The following SV2C variants were observed in gnomAD, a reference collection of about 807,000 sequenced individuals.
SV2C encodes synaptic vesicle glycoprotein 2C, also known as solute carrier family 22 member B3.
Under a neutral mutation model 79.7 loss-of-function variants are expected in SV2C, and 49 were observed. The ratio of observed to expected loss-of-function variants is 0.61; its 90% CI spans 0.49 to 0.78. The LOEUF is 0.78. SV2C is among the 30% of genes least tolerant of loss of function. The pLI, the probability that SV2C is intolerant of heterozygous loss-of-function variation, is 0.00. For missense variants in SV2C, 833 were observed against 912.9 expected, an observed-to-expected ratio of 0.91 and a Z score of 1.13; for synonymous variants, 334 against 333.2, an observed-to-expected ratio of 1.00 and a Z score of -0.03.
chr5:75,941,257 C>T, the SV2C span, among the ~76,000 whole-genome samples: 14 of 152,122 alleles, frequency 9.2e-5, no homozygotes, highest in African/African-American at 1.4e-4. Context: ...AAATTGGTTG[C>T]GTCTTTAATA....
chr5:76,065,367 C>T, the SV2C span, among the ~76,000 whole-genome samples: 1 of 152,126 alleles, frequency 6.6e-6, no homozygotes, highest in African/African-American at 2.4e-5. Flanking sequence ...GTCTAAATAT[C>T]TGTCAGAAGG....
intron 1 of SV2C, among the ~76,000 whole-genome samples, chr5:76,101,170 G>A (rs1387951321): frequency 6.6e-6 from 1 of 152,060 alleles, no homozygotes. Context: ...CTTGGTCTGG[G>A]AGAGAGGACA....
Position 76,295,681 on chromosome 5 carries a change from C to G in SV2C, c.1338-97C>G, listed in dbSNP as rs183029548. 4.1e-6 allele frequency: 5 copies of G among 1,214,746 alleles called. No individual in the cohort carries two copies. In the East Asian group the frequency reaches 9.9e-5, roughly 24 times the overall value. The allele number at this position is 1,214,746 out of a possible 1,614,324, so 75.2% of individuals were successfully genotyped here. On this transcript the variant is annotated intron_variant, in intron 8 of 12. Coordinates refer to ENST00000502798, the MANE Select transcript of SV2C (RefSeq NM_014979.4). Reference sequence around the variant, plus strand: ...ATAATGTTATAGGGAGCCAGCCATTCTCCGGGAACTATTACCAGTCTGAAA... The same window carrying G: ...ATAATGTTATAGGGAGCCAGCCATTGTCCGGGAACTATTACCAGTCTGAAA...
At chr5:75,900,085 G>A in the SV2C span, among the ~76,000 whole-genome samples, 1 of 152,124 alleles carries the variant, frequency 6.6e-6, no homozygotes, top group Admixed American at 6.5e-5. Context: ...ATATTGTTAT[G>A]TGTGAATTTG....
chr5:75,995,648 C>T, the SV2C span, among the ~76,000 whole-genome samples: 1 of 152,066 alleles, frequency 6.6e-6, no homozygotes, highest in Non-Finnish European at 1.5e-5. Flanking sequence ...TTATTTTCAT[C>T]TCAGATGTAG....
chr5:76,113,280 TG>T (rs1748151905), intron 1 of SV2C, among the ~76,000 whole-genome samples: 1 of 152,208 alleles, frequency 6.6e-6, no homozygotes, highest in Non-Finnish European at 1.5e-5. Flanking sequence ...ATAATATAAT[TG>T]TCTGTTTGTC....
intron 1 of SV2C, among the ~76,000 whole-genome samples, chr5:76,124,265 C>A (rs1217231331): frequency 6.6e-6 from 1 of 152,144 alleles, no homozygotes; most frequent in Non-Finnish European, 1.5e-5. Flanking sequence ...GAAAACTCCC[C>A]ATTCCCCACT....
At chr5:75,896,656 A>G in the SV2C span, among the ~76,000 whole-genome samples, 6 of 151,806 alleles carry the variant, frequency 4.0e-5, no homozygotes, top group African/African-American at 1.5e-4. Context: ...GACTTCCACA[A>G]TGGTTGAACT....
At chr5:75,912,327 C>CA in the SV2C span, among the ~76,000 whole-genome samples, 37 of 151,466 alleles carry the variant, frequency 2.4e-4, no homozygotes, top group East Asian at 1.2e-3. Flanking sequence ...CTGATTCTGA[C>CA]AAAAAAAATA....
intron 4 of SV2C, among the ~76,000 whole-genome samples, chr5:76,259,235 T>C (rs1203012430): frequency 3.4e-4 from 52 of 152,152 alleles, no homozygotes; most frequent in Admixed American, 3.3e-3. Context: ...GTCATAGAGT[T>C]GATGTATGTT....
chr5:75,905,888 G>A, the SV2C span, among the ~76,000 whole-genome samples: 1 of 149,806 alleles, frequency 6.7e-6, no homozygotes, highest in East Asian at 1.9e-4. Context: ...GACCTTATTC[G>A]GAAATAGGGT....
intron 4 of SV2C, among the ~76,000 whole-genome samples, chr5:76,236,116 C>A (rs1374433699): frequency 6.6e-6 from 1 of 152,188 alleles, no homozygotes; most frequent in African/African-American, 2.4e-5. Context: ...ATGTCAGCAG[C>A]ATACCCAAAG....
At chr5:75,948,685 G>A in the SV2C span, among the ~76,000 whole-genome samples, 1 of 151,988 alleles carries the variant, frequency 6.6e-6, no homozygotes, top group Admixed American at 6.6e-5. Flanking sequence ...CAAATATCTG[G>A]AGAAGGGATG....
At chr5:76,131,607 T>G (rs1013711947) in intron 1 of SV2C, 43 bp from the exon 2 acceptor site, 9 of 519,492 alleles carry the variant, frequency 1.7e-5, no homozygotes, top group Non-Finnish European at 2.6e-5. Context: ...AATATATATA[T>G]AGAAAGGAAT....
rs201977937 is a variant in SV2C, at chr5:76,254,261, G to T, written c.914-30901G>T. Among the ~76,000 whole-genome samples the T allele has an allele frequency of 2.4e-3, 364 of 151,222 alleles. 2 individuals carry two copies. The highest frequency in any genetic ancestry group is 6.8e-3 in the African/African-American group (277 of 41,008). On this transcript the variant is annotated intron_variant, in intron 4 of 12. Transcript: ENST00000502798. Reference sequence around the variant, plus strand: ...GTGTGTATATATATATATATATAGAGAGAGAGAGAGAGATATTAAAAATTT... The same window carrying T: ...GTGTGTATATATATATATATATAGATAGAGAGAGAGAGATATTAAAAATTT...
At chr5:76,230,939 T>A (rs1281879339) in intron 4 of SV2C, among the ~76,000 whole-genome samples, 3 of 152,198 alleles carry the variant, frequency 2.0e-5, no homozygotes, top group Non-Finnish European at 4.4e-5. Context: ...CTGACACACA[T>A]TAACTAGAAA....
the SV2C span, among the ~76,000 whole-genome samples, chr5:76,061,663 C>T: frequency 6.6e-6 from 1 of 151,982 alleles, no homozygotes; most frequent in Non-Finnish European, 1.5e-5. Context: ...CGTGTTTGTG[C>T]TTTAATTTTG....
At chr5:76,269,276 TC>T (rs1394505435) in intron 4 of SV2C, among the ~76,000 whole-genome samples, 1 of 152,184 alleles carries the variant, frequency 6.6e-6, no homozygotes, top group African/African-American at 2.4e-5. Flanking sequence ...GGGGTATAGT[TC>T]TCAGATGTAT....
At chr5:76,049,801 A>C in the SV2C span, among the ~76,000 whole-genome samples, 1 of 152,204 alleles carries the variant, frequency 6.6e-6, no homozygotes, top group Non-Finnish European at 1.5e-5. Flanking sequence ...CTATATGTTG[A>C]TTTTGCTTAA....
Sources: gnomAD v4.1 joint callset for allele counts (sites outside exome capture counted in the v4.1 genomes callset) on GRCh38, gnomAD v4.1.1 for gene constraint, MANE v1.5 for transcripts, NCBI Gene and HGNC (gene_info 2026-07-23, HGNC 2026-07-21) for gene names.